Variants in APBB2 observed in about 807,000 individuals in gnomAD.
APBB2 encodes the protein Fe65-like 1.
In APBB2, 38 loss-of-function variants were observed where a neutral mutation model predicts 82.5. The ratio of observed to expected loss-of-function variants is 0.46; its 90% CI spans 0.36 to 0.60. The LOEUF is 0.60. Among genes scored for constraint, APBB2 ranks in the 20% least tolerant of loss-of-function variants. APBB2 has a pLI of 0.00. For missense variants in APBB2, 772 were observed against 972.3 expected, an observed-to-expected ratio of 0.79 and a Z score of 2.74; for synonymous variants, 341 against 368.2, an observed-to-expected ratio of 0.93 and a Z score of 0.85.
chr4:40,930,436 TGTGTGTGTGTGTGCGCGC>T (rs1380628017), intron 10 of APBB2, among the ~76,000 whole-genome samples: 20 of 39,600 alleles, frequency 5.1e-4, no homozygotes, highest in Non-Finnish European at 9.1e-4. Flanking sequence ...TGTGTGTGTG[TGTGTGTGTGTGTGCGCGC>T]GCGCGCGCGC....
intron 1 of APBB2, among the ~76,000 whole-genome samples, chr4:41,179,204 T>G (rs773098858): frequency 6.6e-6 from 1 of 152,232 alleles, no homozygotes; most frequent in Non-Finnish European, 1.5e-5. Context: ...TCTAATGTTC[T>G]GAGAAACTAC....
chr4:41,189,739 T>C (rs1773887054), intron 1 of APBB2, among the ~76,000 whole-genome samples: 1 of 152,356 alleles, frequency 6.6e-6, no homozygotes. Context: ...CATAGAACTG[T>C]GGTCCTTACA....
intron 1 of APBB2, among the ~76,000 whole-genome samples, chr4:41,169,163 G>A (rs976838793): frequency 5.5e-5 from 7 of 126,820 alleles, no homozygotes; most frequent in South Asian, 2.6e-4. Context: ...CCAGCTTGGC[G>A]ACAGAGCAAC....
At chr4:40,869,947 T>G (rs1235696855) in intron 12 of APBB2, among the ~76,000 whole-genome samples, 1 of 151,586 alleles carries the variant, frequency 6.6e-6, no homozygotes, top group Non-Finnish European at 1.5e-5. Context: ...TCTCCTGAAA[T>G]GAACAGAGTA....
intron 12 of APBB2, among the ~76,000 whole-genome samples, chr4:40,863,937 C>T (rs1763421483): frequency 1.5e-5 from 2 of 134,454 alleles, no homozygotes; most frequent in Non-Finnish European, 3.2e-5. Context: ...GAGTTGTGGA[C>T]TAACAGTAAC....
At chr4:40,932,050 G>C (rs1252719057) in intron 10 of APBB2, among the ~76,000 whole-genome samples, 6 of 152,124 alleles carry the variant, frequency 3.9e-5, no homozygotes, top group Non-Finnish European at 7.4e-5. Flanking sequence ...AGCCGGAAGG[G>C]AAAAAGAGAA....
intron 4 of APBB2, among the ~76,000 whole-genome samples, chr4:41,065,264 A>T (rs980076471): frequency 5.9e-5 from 9 of 152,196 alleles, no homozygotes; most frequent in Non-Finnish European, 1.3e-4. Context: ...CAGCCTGGGC[A>T]ACAGAGCAAG....
intron 3 of APBB2, among the ~76,000 whole-genome samples, chr4:41,090,492 A>G (rs1361927713): frequency 6.6e-6 from 1 of 152,100 alleles, no homozygotes; most frequent in African/African-American, 2.4e-5. Context: ...GCTACTGCTC[A>G]TTTTTTCCTT....
At chr4:41,033,376 G>T in intron 4 of APBB2, 72 bp from the exon 5 acceptor site, 1 of 1,049,756 alleles carries the variant, frequency 9.5e-7, no homozygotes, top group Non-Finnish European at 1.4e-6. Context: ...AAGCATAGCA[G>T]TGAAAATCTC....
At position 40,982,303 on chromosome 4, in the gene APBB2, AAG is replaced by A. The variant is rs1343073084; in HGVS notation, c.835+31278_835+31279del. Among the ~76,000 whole-genome samples, 449 of 49,256 alleles carry A rather than the reference AAG, an allele frequency of 9.1e-3. 111 individuals carry two copies. Among genetic ancestry groups the A allele is most frequent in the Middle Eastern group, 0.027 (4 of 146 alleles). The allele number at this position is 49,256 out of a possible 152,430, so 32.3% of individuals were successfully genotyped here. Reference sequence around the variant, plus strand: ...GAAAGAAGGAAGGAAGGAAGGAAGGAAGGAAAGAAAGAAAGAAAGAAAAGAAA... The same window carrying A: ...GAAAGAAGGAAGGAAGGAAGGAAGGAGAAAGAAAGAAAGAAAGAAAAGAAA... On this transcript the variant is annotated intron_variant, in intron 6 of 17. Transcript: ENST00000508593.
chr4:40,822,206 A>G (rs1398665679), intron 16 of APBB2, 156 bp from the exon 17 acceptor site: 1 of 792,532 alleles, frequency 1.3e-6, no homozygotes, highest in African/African-American at 1.7e-5. Context: ...CAAATGTCTG[A>G]AGAGGCCATC....
At chr4:40,837,750 C>T (rs889134936) in intron 12 of APBB2, among the ~76,000 whole-genome samples, 6 of 152,094 alleles carry the variant, frequency 3.9e-5, no homozygotes, top group Admixed American at 6.5e-5. Flanking sequence ...AGAATCATTG[C>T]GTTTTCTTTT....
At chr4:40,900,440 G>A (rs993583708) in intron 10 of APBB2, among the ~76,000 whole-genome samples, 7 of 147,314 alleles carry the variant, frequency 4.8e-5, no homozygotes, top group Non-Finnish European at 1.0e-4. Context: ...TGGGTTGGGA[G>A]CTCACGGAAG....
intron 1 of APBB2, among the ~76,000 whole-genome samples, chr4:41,167,644 T>TG (rs1210019652): frequency 6.6e-6 from 1 of 152,228 alleles, no homozygotes; most frequent in Admixed American, 6.5e-5. Context: ...GGAAGTCATA[T>TG]GGATTCAGAG....
At chr4:40,880,000 A>G in intron 12 of APBB2, 2 of 985,024 alleles carry the variant, frequency 2.0e-6, no homozygotes, top group Non-Finnish European at 2.4e-6. Context: ...CAGACCCAGG[A>G]CAATATTTCA....
intron 12 of APBB2, among the ~76,000 whole-genome samples, chr4:40,851,738 A>ATATATATTTTTTTT (rs1192919460): frequency 7.4e-5 from 5 of 67,732 alleles, no homozygotes; most frequent in Non-Finnish European, 1.6e-4. Context: ...ATATATATAT[A>ATATATATTTTTTTT]TTTTTTTTTT....
intron 4 of APBB2, among the ~76,000 whole-genome samples, chr4:41,048,732 G>A (rs1382651401): frequency 6.7e-6 from 1 of 149,996 alleles, no homozygotes; most frequent in African/African-American, 2.5e-5. Flanking sequence ...AGCGGAAGCT[G>A]GACTGTACTG....
intron 2 of APBB2, among the ~76,000 whole-genome samples, chr4:41,115,359 C>T (rs543699173): frequency 6.6e-6 from 1 of 152,172 alleles, no homozygotes; most frequent in Non-Finnish European, 1.5e-5. Flanking sequence ...GATCTAAAAT[C>T]ATAAAAACCC....
chr4:40,984,363 G>T (rs1288873639), intron 6 of APBB2, among the ~76,000 whole-genome samples: 1 of 152,128 alleles, frequency 6.6e-6, no homozygotes, highest in African/African-American at 2.4e-5. Flanking sequence ...ACCTTTCAGG[G>T]AACTTAAAGG....
Sources: allele counts gnomAD v4.1 joint callset (sites outside exome capture counted in the v4.1 genomes callset), GRCh38; gene constraint gnomAD v4.1.1; transcripts MANE v1.5; gene names NCBI Gene and HGNC (gene_info 2026-07-23, HGNC 2026-07-21).